Variants in SEC16A observed in about 807,000 individuals in gnomAD.
SEC16A encodes the protein protein transport protein Sec16A.
In SEC16A, 110 loss-of-function variants were observed where a neutral mutation model predicts 221.9. That is an observed-to-expected ratio of 0.50 (90% CI 0.42 to 0.58). The LOEUF is 0.58. Among genes scored for constraint, SEC16A ranks in the 20% least tolerant of loss-of-function variants. The probability of loss-of-function intolerance (pLI) is 0.00; values close to 1 mark genes in which losing one functional copy is unlikely to be tolerated. For missense variants in SEC16A, 3,165 were observed against 3,097.8 expected, an observed-to-expected ratio of 1.02 and a Z score of -0.52; for synonymous variants, 1,393 against 1,257.7, an observed-to-expected ratio of 1.11 and a Z score of -2.28.
rs760665931 is a variant in SEC16A, at chr9:136,448,178, C to T, written c.6313-17G>A. ...GGATTCACCCTAAATATAAAAAACA[C>T]GAGAACAACTTTGAAAACATTATGT... On this transcript the variant is annotated splice_polypyrimidine_tract_variant and intron_variant, in intron 23 of 31. Coordinates refer to ENST00000684901, the MANE Select transcript of SEC16A (RefSeq NM_014866.2). The T allele has an allele frequency of 2.9e-5, 46 of 1,600,566 alleles. No individual in the cohort carries two copies. Among genetic ancestry groups the T allele is most frequent in the Non-Finnish European group, 3.5e-5 (41 of 1,168,428 alleles).
chr9:136,449,683 A>C (rs909644354), intron 23 of SEC16A, among the ~76,000 whole-genome samples: 2 of 152,220 alleles, frequency 1.3e-5, no homozygotes, highest in African/African-American at 4.8e-5. Context: ...CTCAGCAGCT[A>C]CTACACACCC....
intron 2 of SEC16A, among the ~76,000 whole-genome samples, chr9:136,478,082 G>A (rs916995077): frequency 2.0e-5 from 3 of 152,176 alleles, no homozygotes; most frequent in African/African-American, 7.2e-5. Flanking sequence ...ACCATCCCTA[G>A]ATCCAGGAAG....
chr9:136,475,263 T>C lies in SEC16A; in HGVS notation c.2353A>G (p.Ile785Val), dbSNP rs755252020. 1.9e-6 allele frequency: 3 copies of C among 1,613,460 alleles called. No individual in the cohort carries two copies. Among genetic ancestry groups the C allele is most frequent in the Non-Finnish European group, 2.5e-6 (3 of 1,179,888 alleles). Residue 785 changes from isoleucine to valine, a missense_variant, in exon 3 of 32, where the codon ATT becomes GTT. Ile to Val is a conservative substitution (Grantham distance 29). This residue lies in a region of SEC16A where 2,030 missense variants were observed against 1,923.1 expected (regional missense o/e 1.06). Transcript: ENST00000684901. The surrounding 1 kb of genome is among the most constrained non-coding windows in gnomAD (Gnocchi z 5.0). Reference protein sequence around the residue: ...SAAPVQSRGGIGASENLENPP... With the variant: ...SAAPVQSRGGVGASENLENPP... ...TTCTCAAGGTTCTCAGAAGCACCAA[T>C]GCCACCTCGGCTCTGCACCGGGGCC...
intron 12 of SEC16A, among the ~76,000 whole-genome samples, chr9:136,462,447 C>T (rs762721698): frequency 4.6e-5 from 7 of 152,236 alleles, no homozygotes; most frequent in Non-Finnish European, 8.8e-5. Flanking sequence ...TGGCTGCTCT[C>T]TTGCCCATGG....
chr9:136,481,670 T>C (rs548244620), intron 1 of SEC16A, among the ~76,000 whole-genome samples: 1 of 152,310 alleles, frequency 6.6e-6, no homozygotes, highest in Non-Finnish European at 1.5e-5. Context: ...ATATTTTAAG[T>C]GAGGAAAACA....
Position 136,476,233 on chromosome 9 carries a change from G to A in SEC16A, c.1383C>T (p.Asn461=), listed in dbSNP as rs1335966667. 5.0e-6 allele frequency: 8 copies of A among 1,613,542 alleles called. 1 individual carries two copies. The highest frequency in any genetic ancestry group is 6.8e-6 in the Non-Finnish European group (8 of 1,179,904). The change falls in exon 3 of 32, where the codon AAC becomes AAT. Residue 461 remains asparagine (N), a synonymous_variant. Coordinates refer to ENST00000684901, the MANE Select transcript of SEC16A (RefSeq NM_014866.2). ...CTTCTTGATTCTGAACAAATTCTAAGTTCTCAACATTCTCATACTGCGAGC... is the reference window on the plus strand; with the variant it reads ...CTTCTTGATTCTGAACAAATTCTAAATTCTCAACATTCTCATACTGCGAGC... ...ASGSQYENVE[N]LEFVQNQEVL...
intron 30 of SEC16A, among the ~76,000 whole-genome samples, chr9:136,444,399 G>C (rs1318456487): frequency 6.6e-6 from 1 of 152,236 alleles, no homozygotes; most frequent in Non-Finnish European, 1.5e-5. Context: ...ACGTTCTCAT[G>C]CTTGATCAGA....
At position 136,473,242 on chromosome 9, in the gene SEC16A, A is replaced by C. The variant is rs1037162509; in HGVS notation, c.3567+807T>G. 3.9e-5 allele frequency among the ~76,000 whole-genome samples: 6 copies of C among 152,368 alleles called. No individual in the cohort carries two copies. The South Asian group carries it at 1.0e-3, about 26-fold the overall frequency. On this transcript the variant is annotated intron_variant, in intron 3 of 31. Coordinates refer to ENST00000684901, the MANE Select transcript of SEC16A (RefSeq NM_014866.2). ...CAAGTCTGGTTCCAACTGGCCTTAC[A>C]TACCGCAAGACCATGGTTTTCCAAT... is the stretch of plus-strand genomic sequence containing the variant.
Position 136,448,100 on chromosome 9 carries a change from T to C in SEC16A, c.6374A>G (p.Asp2125Gly). 1 of 1,613,002 alleles carries C rather than the reference T, an allele frequency of 6.2e-7. No homozygotes were observed. The highest frequency in any genetic ancestry group is 2.2e-5 in the East Asian group (1 of 44,886). Residue 2125 changes from aspartate to glycine, a missense_variant, in exon 24 of 32, where the codon GAT (aspartate) becomes GGT (glycine). Asp to Gly is a moderately conservative substitution (Grantham distance 94). This residue lies in a region of SEC16A where 1,088 missense variants were observed against 1,089.6 expected (regional missense o/e 1.00). Transcript: ENST00000684901. ...GKKKTEAYLP[D>G]DKNKSIVWDE... ...AGCACTCACCGATTTGTTCTTGTCA[T>C]CTGGCAAATAAGCTTCTGTCTTTTT...
At position 136,441,574 on chromosome 9, in the gene SEC16A, G is replaced by A. The variant is rs918040665; in HGVS notation, c.*181C>T. On this transcript the variant is annotated 3_prime_UTR_variant, in exon 32 of 32. Coordinates refer to ENST00000684901, the MANE Select transcript of SEC16A (RefSeq NM_014866.2). ...CCATCCAGAATCTGAAAGGATGGTG[G>A]AATTAATTTTCAAAATAATTCATTA... is the stretch of plus-strand genomic sequence containing the variant. 4 of 585,674 alleles carry A rather than the reference G, an allele frequency of 6.8e-6. No individual in the cohort carries two copies. The highest frequency in any genetic ancestry group is 1.2e-5 in the Non-Finnish European group (4 of 323,836). 36.3% of individuals were successfully genotyped at this position (585,674 alleles called of 1,614,324 possible). A position where few individuals can be genotyped will look rare whatever the true frequency, so the allele number is the denominator to read the frequency against.
intron 1 of SEC16A, among the ~76,000 whole-genome samples, chr9:136,479,471 G>A (rs1279680886): frequency 6.6e-6 from 1 of 152,006 alleles, no homozygotes; most frequent in Non-Finnish European, 1.5e-5. Flanking sequence ...TCCTGCCTCA[G>A]CCTCCTGAGC....
At chr9:136,457,308 C>T (rs1389315872) in intron 18 of SEC16A, 136 bp downstream of exon 18, 10 of 939,330 alleles carry the variant, frequency 1.1e-5, no homozygotes, top group Middle Eastern at 3.4e-4. Context: ...GATCTTTATC[C>T]GCCCAAGAGG....
At chr9:136,464,034 C>A (rs188151208) in intron 9 of SEC16A, among the ~76,000 whole-genome samples, 1 of 152,262 alleles carries the variant, frequency 6.6e-6, no homozygotes, top group South Asian at 2.1e-4. Context: ...CAGGAAGAGG[C>A]GCATGCCAGC....
rs777107603 is a variant in SEC16A, at chr9:136,466,270, C to A, written c.4122G>T (p.Ser1374=). 3 of 1,579,752 alleles carry A rather than the reference C, an allele frequency of 1.9e-6. No individual in the cohort carries two copies. In the Admixed American group the frequency reaches 5.5e-5, roughly 29 times the overall value. ...GTGAGGCGCCGCCGCGTACCTGGTG[C>A]GAGTGGGAGCTGAGGCTGCTGCGGC... ...ASRRSSLSSH[S]HQSQIYRSHN... is the part of the protein sequence containing the mutation. Residue 1374 remains serine, a synonymous_variant, in exon 7 of 32, where the codon TCG becomes TCT. Coordinates refer to ENST00000684901, the MANE Select transcript of SEC16A (RefSeq NM_014866.2). This position sits in a 1 kb window ranked among gnomAD's most constrained non-coding sequence, Gnocchi z 5.5.
chr9:136,464,707 TATC>T, intron 8 of SEC16A, 145 bp from the exon 9 acceptor site: 1 of 702,294 alleles, frequency 1.4e-6, no homozygotes. Flanking sequence ...AATTGTTTAA[TATC>T]ATACTTAAAA....
In SEC16A at chr9:136,448,307, A is replaced by G. The variant is rs547915718; in HGVS notation, c.6313-146T>C. ...GAGACACCAGGAGAATGGAGGTGGG[A>G]GCAGATCCACAGAGACACCAGGAGG... On this transcript the variant is annotated intron_variant, in intron 23 of 31. Coordinates refer to ENST00000684901, the MANE Select transcript of SEC16A (RefSeq NM_014866.2). The G allele has an allele frequency of 1.7e-4, 123 of 732,936 alleles. No homozygotes were observed. The African/African-American group carries it at 1.8e-3, about 11-fold the overall frequency. 45.4% of individuals were successfully genotyped at this position (732,936 alleles called of 1,614,324 possible). A position where few individuals can be genotyped will look rare whatever the true frequency, so the allele number is the denominator to read the frequency against.
chr9:136,474,493 A>T lies in SEC16A; in HGVS notation c.3123T>A (p.Tyr1041Ter). 1.2e-6 allele frequency: 2 copies of T among 1,613,114 alleles called. No individual in the cohort carries two copies. The highest frequency in any genetic ancestry group is 1.7e-6 in the Non-Finnish European group (2 of 1,179,864). ...GPGAPNLDRF[Y>*]QQVTKDAQGQ... ...CCTGGGCATCTTTCGTGACCTGCTG[A>T]TAAAAACGGTCAAGGTTAGGCGCCC... Residue 1041 changes from tyrosine to a stop codon, truncating the protein, a stop_gained, in exon 3 of 32, where the codon TAT becomes TAA. Transcript: ENST00000684901. LOFTEE classifies it high-confidence loss of function.
chr9:136,475,829 G>T lies in SEC16A; in HGVS notation c.1787C>A (p.Pro596His). The change falls in exon 3 of 32, where the codon CCC (proline) becomes CAC (histidine). Residue 596 changes from proline to histidine, a missense_variant. Pro to His is a moderately conservative substitution (Grantham distance 77). Coordinates refer to ENST00000684901, the MANE Select transcript of SEC16A (RefSeq NM_014866.2). This position sits in a 1 kb window ranked among gnomAD's most constrained non-coding sequence, Gnocchi z 5.0. ...CTGAAATATTCCTGTAGGTTTCGGG[G>T]GGCTCGGGGTTGAGGGCTGGGACAC... is the stretch of plus-strand genomic sequence containing the variant. ...GSVSQPSTPS[P>H]PKPTGIFQTS... 1 of 1,582,674 alleles carries T rather than the reference G, an allele frequency of 6.3e-7. No individual in the cohort carries two copies. Among genetic ancestry groups the T allele is most frequent in the Non-Finnish European group, 8.6e-7 (1 of 1,164,056 alleles).
intron 18 of SEC16A, among the ~76,000 whole-genome samples, chr9:136,456,756 C>T (rs1182645649): frequency 6.6e-6 from 1 of 152,150 alleles, no homozygotes; most frequent in Non-Finnish European, 1.5e-5. Flanking sequence ...TCAGTCATGC[C>T]GCCTCTGTTT....
Sources: allele counts gnomAD v4.1 joint callset (sites outside exome capture counted in the v4.1 genomes callset), GRCh38; gene constraint gnomAD v4.1.1; regional missense constraint gnomAD v4.1.1; non-coding constraint Gnocchi (gnomAD v3.1); transcripts MANE v1.5; gene names NCBI Gene and HGNC (gene_info 2026-07-23, HGNC 2026-07-21).